Variants in BTNL8 observed in about 807,000 individuals in gnomAD.
BTNL8 encodes the protein butyrophilin-like protein 8.
BTNL8 carries 22 observed loss-of-function variants against 36.1 expected under a neutral mutation model. The ratio of observed to expected loss-of-function variants is 0.61; its 90% CI spans 0.44 to 0.87. BTNL8 has a LOEUF of 0.87. BTNL8 is among the 40% of genes least tolerant of loss of function. BTNL8 has a pLI of 0.00. For missense variants in BTNL8, 526 were observed against 616.9 expected, an observed-to-expected ratio of 0.85 and a Z score of 1.56; for synonymous variants, 203 against 235.6, an observed-to-expected ratio of 0.86 and a Z score of 1.27.
intron 3 of BTNL8, among the ~76,000 whole-genome samples, chr5:180,913,369 C>G (rs1378915101): frequency 1.3e-5 from 2 of 152,112 alleles, no homozygotes; most frequent in Admixed American, 1.3e-4. Context: ...CAGGACCCAC[C>G]CCTACCATTC....
At chr5:180,936,203 C>T (rs952877150) in intron 3 of BTNL8, among the ~76,000 whole-genome samples, 13 of 152,128 alleles carry the variant, frequency 8.5e-5, no homozygotes, top group East Asian at 3.9e-4. Flanking sequence ...GCCACCGCCC[C>T]GGCACTTCTT....
chr5:180,927,683 A>C (rs1758167349), intron 3 of BTNL8, among the ~76,000 whole-genome samples: 1 of 152,230 alleles, frequency 6.6e-6, no homozygotes, highest in East Asian at 1.9e-4. Context: ...TTTGTGAAGC[A>C]TACACAAGTA....
intron 3 of BTNL8, among the ~76,000 whole-genome samples, chr5:180,934,330 C>T (rs1454534426): frequency 2.0e-5 from 3 of 152,236 alleles, no homozygotes; most frequent in African/African-American, 7.2e-5. Context: ...CCATAGCTAA[C>T]ATTGCCATGG....
intron 3 of BTNL8, among the ~76,000 whole-genome samples, chr5:180,937,225 G>A (rs1035194229): frequency 4.6e-5 from 7 of 152,104 alleles, no homozygotes; most frequent in East Asian, 1.9e-4. Context: ...TTGCCTCCTC[G>A]ACTGGTACAC....
intron 3 of BTNL8, among the ~76,000 whole-genome samples, chr5:180,940,583 A>G (rs1331871328): frequency 6.6e-6 from 1 of 152,148 alleles, no homozygotes; most frequent in Non-Finnish European, 1.5e-5. Flanking sequence ...ATAAAGACCA[A>G]AATTATAAGA....
intron 3 of BTNL8, among the ~76,000 whole-genome samples, chr5:180,928,824 G>A (rs566256555): frequency 1.1e-4 from 16 of 152,266 alleles, no homozygotes; most frequent in African/African-American, 3.9e-4. Flanking sequence ...CAAGTTCTTA[G>A]AGACCTACAA....
In BTNL8 at chr5:180,913,457, A is replaced by G. The variant is rs548338332; in HGVS notation, c.673+1843A>G. Among the ~76,000 whole-genome samples, 3 of 152,334 alleles carry G rather than the reference A, an allele frequency of 2.0e-5. No homozygotes were observed. The South Asian group carries it at 6.2e-4, about 32-fold the overall frequency. ...TTGGAAACAATGCATGACTCATTAG[A>G]AAGTGTACTACACTCCAAAAGAGCT... On this transcript the variant is annotated intron_variant, in intron 3 of 7. Coordinates refer to ENST00000340184, the MANE Select transcript of BTNL8 (RefSeq NM_001040462.3).
chr5:180,949,891 C>T lies in BTNL8; in HGVS notation c.863-13C>T. On this transcript the variant is annotated splice_polypyrimidine_tract_variant and intron_variant, in intron 7 of 7. Coordinates refer to ENST00000340184, the MANE Select transcript of BTNL8 (RefSeq NM_001040462.3). ...AGTAACTCATGCTTCCTCTCTCCCC[C>T]ACCGCACCCCAGTGGAGGTGACTCT... 1 of 1,446,970 alleles carries T rather than the reference C, an allele frequency of 6.9e-7. No homozygotes were observed. Among genetic ancestry groups the T allele is most frequent in the South Asian group, 1.1e-5 (1 of 88,536 alleles). The allele number at this position is 1,446,970 out of a possible 1,614,324, so 89.6% of individuals were successfully genotyped here.
intron 7 of BTNL8, 67 bp downstream of exon 7, chr5:180,949,332 A>G: frequency 1.4e-6 from 2 of 1,457,542 alleles, no homozygotes; most frequent in Non-Finnish European, 1.9e-6. Flanking sequence ...GGAACTGAAC[A>G]GGGACAGATA....
intron 3 of BTNL8, among the ~76,000 whole-genome samples, chr5:180,938,541 TTTC>T (rs201019835): frequency 0.02 from 2,835 of 142,682 alleles, 52 homozygotes; most frequent in South Asian, 0.072. Flanking sequence ...CCTTCCTTTC[TTTC>T]TTTTTTTTTT....
chr5:180,916,847 A>G (rs552429394), intron 3 of BTNL8, among the ~76,000 whole-genome samples: 1 of 152,374 alleles, frequency 6.6e-6, no homozygotes, highest in South Asian at 2.1e-4. Context: ...GTGCAATTTA[A>G]AACTTACAAA....
At chr5:180,915,234 C>G (rs779399426) in intron 3 of BTNL8, among the ~76,000 whole-genome samples, 1 of 152,244 alleles carries the variant, frequency 6.6e-6, no homozygotes. Context: ...CCTCCACACA[C>G]CACCCCTGTG....
chr5:180,915,389 C>T (rs1757581380), intron 3 of BTNL8, among the ~76,000 whole-genome samples: 1 of 152,224 alleles, frequency 6.6e-6, no homozygotes, highest in African/African-American at 2.4e-5. Flanking sequence ...AGAAGGTGCA[C>T]AATCTTGAGT....
intron 1 of BTNL8, chr5:180,902,268 A>C: frequency 7.4e-7 from 1 of 1,346,966 alleles, no homozygotes; most frequent in Non-Finnish European, 1.0e-6. Context: ...GTCTACATTC[A>C]GAAAGAGACT....
At position 180,908,693 on chromosome 5, in the gene BTNL8, G is replaced by A. The variant is rs1445475756; in HGVS notation, c.157G>A (p.Val53Met). ...TAAGACCAATGCAGAGGCCATGGAA[G>A]TGCGGTTCTTCAGGGGCCAGTTCTC... ...SPKTNAEAME[V>M]RFFRGQFSSV... Residue 53 changes from valine to methionine, a missense_variant, in exon 2 of 8, where the codon GTG becomes ATG. Coordinates refer to ENST00000340184, the MANE Select transcript of BTNL8 (RefSeq NM_001040462.3). 6.2e-7 allele frequency: 1 copy of A among 1,614,238 alleles called. No homozygotes were observed. The highest frequency in any genetic ancestry group is 8.5e-7 in the Non-Finnish European group (1 of 1,180,040).
chr5:180,934,258 CT>C (rs2113837735), intron 3 of BTNL8, among the ~76,000 whole-genome samples: 2 of 152,310 alleles, frequency 1.3e-5, no homozygotes, highest in East Asian at 1.9e-4. Context: ...GATTAAAAAT[CT>C]CTGAACATAT....
At chr5:180,940,310 G>A (rs1176308273) in intron 3 of BTNL8, among the ~76,000 whole-genome samples, 1 of 149,638 alleles carries the variant, frequency 6.7e-6, no homozygotes, top group Non-Finnish European at 1.5e-5. Flanking sequence ...CTGCACTTCA[G>A]CCTGGGCGAC....
At chr5:180,907,855 T>C (rs1757167040) in intron 1 of BTNL8, among the ~76,000 whole-genome samples, 1 of 150,998 alleles carries the variant, frequency 6.6e-6, no homozygotes, top group South Asian at 2.1e-4. Flanking sequence ...AGGGACTCAC[T>C]TGAGGAGGCA....
chr5:180,949,532 T>A lies in BTNL8; in HGVS notation c.862+267T>A, dbSNP rs1268189551. 1.4e-5 allele frequency: 8 copies of A among 575,766 alleles called. 3 individuals are homozygous for A. The highest frequency in any genetic ancestry group is 2.3e-5 in the Non-Finnish European group (8 of 340,856). The allele number at this position is 575,766 out of a possible 1,614,324, so 35.7% of individuals were successfully genotyped here. A position where few individuals can be genotyped will look rare whatever the true frequency, so the allele number is the denominator to read the frequency against. On this transcript the variant is annotated intron_variant, in intron 7 of 7. Transcript: ENST00000340184. Reference sequence around the variant, plus strand: ...AGTTTCAGGGAATTGAGGGCACTAGTGACTGGTCAGGGGTCTGAGCTGAGG... The same window carrying A: ...AGTTTCAGGGAATTGAGGGCACTAGAGACTGGTCAGGGGTCTGAGCTGAGG...
Sources: gnomAD v4.1 joint callset for allele counts (sites outside exome capture counted in the v4.1 genomes callset) on GRCh38, gnomAD v4.1.1 for gene constraint, MANE v1.5 for transcripts, NCBI Gene and HGNC (gene_info 2026-07-23, HGNC 2026-07-21) for gene names.